The following MACROD2 variants were observed in gnomAD, a reference collection of about 807,000 sequenced individuals.
MACROD2 encodes mono-ADP ribosylhydrolase 2.
MACROD2 carries 36 observed loss-of-function variants against 70.4 expected under a neutral mutation model. The observed-to-expected ratio is 0.51, with a 90% confidence interval of 0.39 to 0.68. The LOEUF is 0.68. Ranked by LOEUF, MACROD2 falls within the 30% of genes least tolerant of loss-of-function variation. The pLI, the probability that MACROD2 is intolerant of heterozygous loss-of-function variation, is 0.00. For synonymous variants in MACROD2, 172 were observed against 178.8 expected (o/e 0.96, Z 0.30); for missense variants, 496 against 538.4 (o/e 0.92, Z 0.78).
At chr20:15,839,752 A>G (rs1352834975) in intron 8 of MACROD2, among the ~76,000 whole-genome samples, 2 of 152,270 alleles carry the variant, frequency 1.3e-5, no homozygotes, top group African/African-American at 2.4e-5. Flanking sequence ...AAACATATAT[A>G]TGAATGTGTG....
chr20:15,158,285 C>T (rs2076323158), intron 5 of MACROD2, among the ~76,000 whole-genome samples: 1 of 152,110 alleles, frequency 6.6e-6, no homozygotes, highest in Non-Finnish European at 1.5e-5. Context: ...AATGATAAGA[C>T]AGTAATTATG....
intron 6 of MACROD2, among the ~76,000 whole-genome samples, chr20:15,379,538 C>A (rs929892157): frequency 6.6e-6 from 1 of 151,964 alleles, no homozygotes; most frequent in African/African-American, 2.4e-5. Flanking sequence ...TGATGTGATA[C>A]GATCATTCAC....
intron 8 of MACROD2, among the ~76,000 whole-genome samples, chr20:15,665,400 C>A (rs1313780190): frequency 6.6e-6 from 1 of 152,148 alleles, no homozygotes; most frequent in Non-Finnish European, 1.5e-5. Context: ...ATATAACTCA[C>A]CCCTTACATG....
At chr20:15,759,222 G>A (rs2051399167) in intron 8 of MACROD2, among the ~76,000 whole-genome samples, 2 of 149,948 alleles carry the variant, frequency 1.3e-5, no homozygotes, top group Admixed American at 1.3e-4. Flanking sequence ...GTTCAAAGAT[G>A]CCTCTGTGGG....
At chr20:15,038,355 G>T (rs2075330070) in intron 5 of MACROD2, among the ~76,000 whole-genome samples, 1 of 152,050 alleles carries the variant, frequency 6.6e-6, no homozygotes, top group African/African-American at 2.4e-5. Context: ...ATTTATAAAG[G>T]AGGAAATGAG....
rs565125490 is a variant in MACROD2, at chr20:14,696,090, A to AT, written c.418+11132dup. Among the ~76,000 whole-genome samples the AT allele has an allele frequency of 1.3e-3, 205 of 152,326 alleles. 1 individual carries two copies. Among genetic ancestry groups the AT allele is most frequent in the African/African-American group, 4.7e-3 (196 of 41,570 alleles). ...ATCACATGGTGGGTAATGTTACATT[A>AT]TACAACCAAAGCCCTTTGCCATACC... On this transcript the variant is annotated intron_variant, in intron 5 of 17. Coordinates refer to ENST00000684519, the MANE Select transcript of MACROD2 (RefSeq NM_001351661.2).
chr20:14,054,725 G>A (rs916190087), intron 2 of MACROD2, among the ~76,000 whole-genome samples: 2 of 152,134 alleles, frequency 1.3e-5, no homozygotes, highest in Non-Finnish European at 2.9e-5. Context: ...CATAAAAAGT[G>A]CAAGGAATCC....
At chr20:14,237,930 A>T (rs1420334479) in intron 3 of MACROD2, among the ~76,000 whole-genome samples, 1 of 151,792 alleles carries the variant, frequency 6.6e-6, no homozygotes, top group Admixed American at 6.6e-5. Flanking sequence ...ACATTTTCTT[A>T]ATCCAGTCTA....
At chr20:15,088,400 TATATATATA>T (rs2075765481) in intron 5 of MACROD2, among the ~76,000 whole-genome samples, 321 of 7,390 alleles carry the variant, frequency 0.043, 4 homozygotes, top group Middle Eastern at 0.083. Flanking sequence ...CTATATTTTA[TATATATATA>T]TATATATATA....
At chr20:15,025,121 A>C (rs1256688703) in intron 5 of MACROD2, among the ~76,000 whole-genome samples, 1 of 152,168 alleles carries the variant, frequency 6.6e-6, no homozygotes, top group African/African-American at 2.4e-5. Context: ...TAACTACATG[A>C]AGACTATTTT....
chr20:15,543,144 C>T (rs2047980328), intron 8 of MACROD2, among the ~76,000 whole-genome samples: 1 of 152,082 alleles, frequency 6.6e-6, no homozygotes, highest in South Asian at 2.1e-4. Flanking sequence ...CTACTAAAAT[C>T]CTTTGGAGTT....
intron 6 of MACROD2, among the ~76,000 whole-genome samples, chr20:15,349,218 C>G (rs902287430): frequency 1.3e-5 from 2 of 152,122 alleles, no homozygotes; most frequent in African/African-American, 4.8e-5. Flanking sequence ...AGTGTGCCCT[C>G]AAGAGAGAAC....
chr20:14,471,435 C>T (rs1189978096), intron 3 of MACROD2, among the ~76,000 whole-genome samples: 1 of 152,120 alleles, frequency 6.6e-6, no homozygotes. Flanking sequence ...TGAGCCTTTT[C>T]TTATTTAAAT....
At chr20:14,955,623 C>G (rs1372223588) in intron 5 of MACROD2, among the ~76,000 whole-genome samples, 8 of 152,066 alleles carry the variant, frequency 5.3e-5, no homozygotes, top group Non-Finnish European at 1.0e-4. Flanking sequence ...TCACCCTTCC[C>G]CCACTACTGC....
chr20:15,045,112 G>C (rs916550486), intron 5 of MACROD2, among the ~76,000 whole-genome samples: 1 of 151,974 alleles, frequency 6.6e-6, no homozygotes, highest in Non-Finnish European at 1.5e-5. Context: ...GAACCTAACA[G>C]TACTAAAGAT....
intron 8 of MACROD2, among the ~76,000 whole-genome samples, chr20:15,541,214 TAAAC>T (rs1406325285): frequency 2.6e-5 from 4 of 152,196 alleles, no homozygotes; most frequent in African/African-American, 9.6e-5. Flanking sequence ...GGACTGGACT[TAAAC>T]AATTCTAGAA....
At chr20:14,446,327 T>TG (rs1279936817) in intron 3 of MACROD2, among the ~76,000 whole-genome samples, 1 of 152,120 alleles carries the variant, frequency 6.6e-6, no homozygotes, top group Non-Finnish European at 1.5e-5. Context: ...CATTTATAGA[T>TG]GTGGAAATTG....
intron 2 of MACROD2, among the ~76,000 whole-genome samples, chr20:14,028,366 G>A (rs1238987513): frequency 1.3e-5 from 2 of 152,168 alleles, no homozygotes; most frequent in Non-Finnish European, 2.9e-5. Context: ...ACCCCGTGGG[G>A]GTGGGATCTG....
intron 10 of MACROD2, among the ~76,000 whole-genome samples, chr20:15,903,670 A>T (rs2065099567): frequency 6.6e-6 from 1 of 152,212 alleles, no homozygotes; most frequent in African/African-American, 2.4e-5. Flanking sequence ...TGCCTTGGGC[A>T]TTGTTGGCCA....
Sources: allele counts gnomAD v4.1 joint callset (sites outside exome capture counted in the v4.1 genomes callset), GRCh38; gene constraint gnomAD v4.1.1; transcripts MANE v1.5; gene names NCBI Gene and HGNC (gene_info 2026-07-23, HGNC 2026-07-21).